TMEM232: variants seen among roughly 807,000 people sequenced by gnomAD.
TMEM232 encodes transmembrane protein 232.
TMEM232 carries 80 observed loss-of-function variants against 78.8 expected under a neutral mutation model. That is an observed-to-expected ratio of 1.01 (90% CI 0.85 to 1.22). The LOEUF is 1.22. Ranked by LOEUF, TMEM232 falls within the 50% of genes most tolerant of loss-of-function variation. The probability of loss-of-function intolerance (pLI) is 0.00; values close to 1 mark genes in which losing one functional copy is unlikely to be tolerated. For missense variants in TMEM232, 881 were observed against 742.2 expected (o/e 1.19, Z -2.17); for synonymous variants, 297 against 254.3 (o/e 1.17, Z -1.60).
intron 2 of TMEM232, among the ~76,000 whole-genome samples, chr5:110,400,927 ATGTATTTTGTCATTTCACCTT>A (rs1199386130): frequency 1.3e-5 from 2 of 152,038 alleles, no homozygotes; most frequent in East Asian, 1.9e-4. Flanking sequence ...GGATATAGAT[ATGTATTTTGTCATTTCACCTT>A]TGTATTTTGT....
At chr5:110,629,364 C>T (rs1360858979) in intron 5 of TMEM232, among the ~76,000 whole-genome samples, 3 of 152,122 alleles carry the variant, frequency 2.0e-5, no homozygotes, top group African/African-American at 4.8e-5. Flanking sequence ...GACCCAGAGA[C>T]TATCTTTAGT....
intron 5 of TMEM232, among the ~76,000 whole-genome samples, chr5:110,634,164 T>A (rs976294953): frequency 7.2e-5 from 11 of 152,100 alleles, no homozygotes; most frequent in African/African-American, 2.7e-4. Flanking sequence ...TAAATATATA[T>A]GCACCCAACA....
intron 1 of TMEM232, among the ~76,000 whole-genome samples, chr5:110,699,525 G>C (rs998487443): frequency 7.9e-5 from 12 of 152,016 alleles, no homozygotes; most frequent in Non-Finnish European, 1.5e-4. Context: ...CAATTGCAAA[G>C]AGCTGGCTCA....
At chr5:110,520,312 T>C (rs1359135261) in intron 12 of TMEM232, among the ~76,000 whole-genome samples, 2 of 151,960 alleles carry the variant, frequency 1.3e-5, no homozygotes, top group African/African-American at 2.4e-5. Flanking sequence ...TTCATAATAA[T>C]TAAAAATTTA....
chr5:110,628,872 A>G (rs1204664696), intron 5 of TMEM232: 1 of 152,126 alleles, frequency 6.6e-6, no homozygotes. Context: ...TATTGCTCCA[A>G]AAGCCATGAG....
chr5:110,709,846 C>G (rs1373462071), intron 1 of TMEM232, among the ~76,000 whole-genome samples: 4 of 151,852 alleles, frequency 2.6e-5, no homozygotes, highest in Non-Finnish European at 2.9e-5. Context: ...AAGAGCCAAT[C>G]AAACCCAAAA....
chr5:110,466,836 C>G lies in TMEM232; in HGVS notation c.1704-41920G>C, dbSNP rs149188473. ...TTCGCTGTATTAGCCAGGATGGTCT[C>G]GATCTCCTGACCTCGTGACCTGGCC... On this transcript the variant is annotated intron_variant, in intron 12 of 13. Coordinates refer to ENST00000455884, the MANE Select transcript of TMEM232 (RefSeq NM_001039763.4). Among the ~76,000 whole-genome samples the G allele has an allele frequency of 1.1e-3, 168 of 151,900 alleles. 1 individual carries two copies. Among genetic ancestry groups the G allele is most frequent in the Middle Eastern group, 6.8e-3 (2 of 294 alleles).
chr5:110,561,704 C>G (rs890699537), intron 11 of TMEM232, among the ~76,000 whole-genome samples: 1 of 152,052 alleles, frequency 6.6e-6, no homozygotes, highest in Admixed American at 6.6e-5. Context: ...GAGCTGGGAA[C>G]AGAGAATGGT....
At position 110,424,822 on chromosome 5, in the gene TMEM232, C is replaced by G; in HGVS notation, c.1797+1G>C. ...GCTAGTTAAAAAAAAATCAATCTTACGTGATGGTCAATGATTTTTGCCAAC... is the reference window on the plus strand; with the variant it reads ...GCTAGTTAAAAAAAAATCAATCTTAGGTGATGGTCAATGATTTTTGCCAAC... On this transcript the variant is annotated splice_donor_variant, in intron 13 of 13. Coordinates refer to ENST00000455884, the MANE Select transcript of TMEM232 (RefSeq NM_001039763.4). LOFTEE classifies it high-confidence loss of function. 1 of 1,545,414 alleles carries G rather than the reference C, an allele frequency of 6.5e-7. No individual in the cohort carries two copies. The highest frequency in any genetic ancestry group is 2.5e-5 in the East Asian group (1 of 40,722).
At chr5:110,526,401 AT>A (rs1344188080) in intron 12 of TMEM232, among the ~76,000 whole-genome samples, 6 of 152,066 alleles carry the variant, frequency 3.9e-5, no homozygotes, top group African/African-American at 1.2e-4. Flanking sequence ...GGCAAAAAAA[AT>A]AATTTCCAAA....
intron 11 of TMEM232, among the ~76,000 whole-genome samples, chr5:110,565,757 G>A (rs892269505): frequency 2.6e-5 from 4 of 151,850 alleles, no homozygotes; most frequent in Non-Finnish European, 5.9e-5. Context: ...GAGTGCACAG[G>A]TTAGTGTGTC....
At chr5:110,618,361 G>A in intron 8 of TMEM232, 68 bp downstream of exon 8, 1 of 1,524,550 alleles carries the variant, frequency 6.6e-7, no homozygotes, top group Non-Finnish European at 8.8e-7. Flanking sequence ...TTAGGTACAA[G>A]GGTTATTTAA....
At chr5:110,450,353 G>C (rs1760132757) in intron 12 of TMEM232, among the ~76,000 whole-genome samples, 1 of 149,566 alleles carries the variant, frequency 6.7e-6, no homozygotes, top group African/African-American at 2.5e-5. Flanking sequence ...TTCAGATTTT[G>C]CCTGTTTGTT....
chr5:110,713,634 T>C (rs1796723223), intron 1 of TMEM232, among the ~76,000 whole-genome samples: 1 of 152,148 alleles, frequency 6.6e-6, no homozygotes, highest in Non-Finnish European at 1.5e-5. Context: ...TGACCCAAGA[T>C]GTCTGCTGAT....
intron 12 of TMEM232, among the ~76,000 whole-genome samples, chr5:110,518,184 A>T (rs1377544736): frequency 6.6e-6 from 1 of 151,164 alleles, no homozygotes; most frequent in Non-Finnish European, 1.5e-5. Flanking sequence ...CCCAGCAGGC[A>T]CTATTGATCT....
chr5:110,598,846 T>C (rs1264533473), intron 10 of TMEM232, among the ~76,000 whole-genome samples: 3 of 120,916 alleles, frequency 2.5e-5, no homozygotes, highest in East Asian at 5.1e-4. Context: ...GAACATCACA[T>C]TCTGGGGACT....
At chr5:110,495,336 C>G (rs1296153993) in intron 12 of TMEM232, among the ~76,000 whole-genome samples, 2 of 151,784 alleles carry the variant, frequency 1.3e-5, no homozygotes, top group African/African-American at 4.8e-5. Flanking sequence ...ATTACACTTC[C>G]AGGGTGTCTG....
At chr5:110,474,359 C>G (rs2149381939) in intron 12 of TMEM232, among the ~76,000 whole-genome samples, 2 of 151,740 alleles carry the variant, frequency 1.3e-5, no homozygotes, top group Middle Eastern at 6.8e-3. Flanking sequence ...TTTTTAAAAC[C>G]TACAGCTAAT....
intron 12 of TMEM232, among the ~76,000 whole-genome samples, chr5:110,435,431 G>T (rs554465483): frequency 7.9e-5 from 12 of 151,748 alleles, no homozygotes; most frequent in African/African-American, 2.4e-4. Flanking sequence ...ATTACGTCAT[G>T]GAAAATGGAT....
Sources: gnomAD v4.1 joint callset for allele counts (sites outside exome capture counted in the v4.1 genomes callset) on GRCh38, gnomAD v4.1.1 for gene constraint, MANE v1.5 for transcripts, NCBI Gene and HGNC (gene_info 2026-07-23, HGNC 2026-07-21) for gene names.